Variants in TRAM2 observed in about 807,000 individuals in gnomAD.
TRAM2 encodes translocating chain-associated membrane protein 2.
A neutral mutation model predicts 51.0 loss-of-function variants in TRAM2; 12 were observed. The observed-to-expected ratio is 0.24, with a 90% CI of 0.15 to 0.38. The LOEUF is 0.38. Ranked by LOEUF, TRAM2 falls within the 10% of genes least tolerant of loss-of-function variation. The pLI, the probability that TRAM2 is intolerant of heterozygous loss-of-function variation, is 1.00. For synonymous variants in TRAM2, 175 were observed against 179.4 expected (o/e 0.98, Z 0.20); for missense variants, 361 against 462.0 (o/e 0.78, Z 2.00).
intron 9 of TRAM2, 75 bp from the exon 10 acceptor site, chr6:52,504,829 C>G: frequency 7.0e-7 from 1 of 1,435,728 alleles, no homozygotes; most frequent in African/African-American, 1.4e-5. Context: ...CAGGGGAGAA[C>G]AAGGGCCAGG....
intron 10 of TRAM2, among the ~76,000 whole-genome samples, chr6:52,504,237 G>A (rs867894223): frequency 9.2e-5 from 14 of 152,230 alleles, no homozygotes; most frequent in Admixed American, 4.6e-4. Context: ...AGAGGCCGCC[G>A]TCCGGCACTG....
At chr6:52,551,327 G>A (rs997684504) in intron 1 of TRAM2, among the ~76,000 whole-genome samples, 3 of 152,286 alleles carry the variant, frequency 2.0e-5, no homozygotes, top group East Asian at 1.9e-4. Context: ...GTTTCAGCCC[G>A]GAAGGCAAAG....
chr6:52,508,356 G>C (rs763884501), intron 5 of TRAM2, 38 bp from the exon 6 acceptor site: 1 of 1,597,362 alleles, frequency 6.3e-7, no homozygotes, highest in East Asian at 2.2e-5. Context: ...GCAGGATAGA[G>C]AAAAGTGTCC....
intron 1 of TRAM2, among the ~76,000 whole-genome samples, chr6:52,542,944 C>T (rs758176615): frequency 1.3e-5 from 2 of 152,180 alleles, no homozygotes; most frequent in East Asian, 1.9e-4. Context: ...GGAAATTAAT[C>T]GGGTACTGAA....
At chr6:52,549,578 A>C (rs1581696589) in intron 1 of TRAM2, among the ~76,000 whole-genome samples, 1 of 152,244 alleles carries the variant, frequency 6.6e-6, no homozygotes, top group Admixed American at 6.5e-5. Flanking sequence ...TGAAACAGTC[A>C]AGAAAGCCAT....
rs534907272 is a variant in TRAM2, at chr6:52,502,082, G to A, written c.*1115C>T. On this transcript the variant is annotated 3_prime_UTR_variant, in exon 11 of 11. Coordinates refer to ENST00000182527, the MANE Select transcript of TRAM2 (RefSeq NM_012288.4). The stretch of plus-strand genomic sequence containing the variant: ...GACAATTCCAAAGAACACTCAACAA[G>A]GGCGGCCAGATGAACAGCGGTCCAA... The A allele has an allele frequency of 4.6e-5, 7 of 152,416 alleles. No individual in the cohort carries two copies. In the East Asian group the frequency reaches 9.6e-4, roughly 21 times the overall value. 9.4% of individuals were successfully genotyped at this position (152,416 alleles called of 1,614,324 possible).
In TRAM2 at chr6:52,577,008, G is replaced by GCCCGCCGC. The variant is rs1767782757; in HGVS notation, c.-101_-94dup. On this transcript the variant is annotated 5_prime_UTR_variant, in exon 1 of 11. Transcript: ENST00000182527. ...CAGCACCGGCCCGGTCCGCCCGCCG[G>GCCCGCCGC]CCCGCCGCCCGCTCTCCCACAGCCG... is the stretch of plus-strand genomic sequence containing the variant. The GCCCGCCGC allele has an allele frequency of 7.7e-7, 1 of 1,297,224 alleles. No individual in the cohort carries two copies. Among genetic ancestry groups the GCCCGCCGC allele is most frequent in the African/African-American group, 1.6e-5 (1 of 63,444 alleles). The allele number at this position is 1,297,224 out of a possible 1,614,324, so 80.4% of individuals were successfully genotyped here. A position where few individuals can be genotyped will look rare whatever the true frequency, so the allele number is the denominator to read the frequency against.
intron 1 of TRAM2, among the ~76,000 whole-genome samples, chr6:52,544,317 T>C (rs528309610): frequency 5.0e-4 from 75 of 149,680 alleles, no homozygotes; most frequent in Non-Finnish European, 1.0e-3. Context: ...GTTTTTTAAA[T>C]GTTAGATGTG....
chr6:52,509,759 G>A (rs1324223458), intron 4 of TRAM2, among the ~76,000 whole-genome samples, 173 bp from the exon 5 acceptor site: 3 of 152,118 alleles, frequency 2.0e-5, no homozygotes, highest in Non-Finnish European at 4.4e-5. Flanking sequence ...GCGCTTGGCT[G>A]GTTTCTTTAC....
chr6:52,511,382 C>A lies in TRAM2; in HGVS notation c.412-1796G>T, dbSNP rs375656157. ...AAGTGCTGTGATTACAGGCGTGCAC[C>A]ATTGCGCCCAGCCAAGATAGTTTTT... On this transcript the variant is annotated intron_variant, in intron 4 of 10. Coordinates refer to ENST00000182527, the MANE Select transcript of TRAM2 (RefSeq NM_012288.4). 5.9e-5 allele frequency among the ~76,000 whole-genome samples: 9 copies of A among 152,298 alleles called. No homozygotes were observed. In the East Asian group the frequency reaches 1.2e-3, roughly 20 times the overall value.
At chr6:52,504,165 G>A (rs1004150888) in intron 10 of TRAM2, among the ~76,000 whole-genome samples, 1 of 152,248 alleles carries the variant, frequency 6.6e-6, no homozygotes, top group African/African-American at 2.4e-5. Context: ...AGACAGAGGA[G>A]GAGCCAGCAA....
intron 1 of TRAM2, among the ~76,000 whole-genome samples, chr6:52,566,657 T>C (rs1767595243): frequency 6.6e-6 from 1 of 152,154 alleles, no homozygotes. Flanking sequence ...CCCCACTGCA[T>C]CCCACCTCCA....
chr6:52,503,204 G>C lies in TRAM2; in HGVS notation c.1106C>G (p.Ser369Cys). The C allele has an allele frequency of 1.2e-6, 2 of 1,613,774 alleles. No individual in the cohort carries two copies. Among genetic ancestry groups the C allele is most frequent in the South Asian group, 1.1e-5 (1 of 91,062 alleles). Reference sequence around the variant, plus strand: ...GTTCTTAGCACTTTGGCCTTAGGGAGACTTGAGTTTCTTAGTCCGTGGGGA... The same window carrying C: ...GTTCTTAGCACTTTGGCCTTAGGGACACTTGAGTTTCTTAGTCCGTGGGGA... ...GTSPRTKKLKSP is the reference protein window; with the variant it reads ...GTSPRTKKLKCP The change falls in exon 11 of 11, where the codon TCT (serine) becomes TGT (cysteine). Residue 369 changes from serine (S) to cysteine (C), a missense_variant. Coordinates refer to ENST00000182527, the MANE Select transcript of TRAM2 (RefSeq NM_012288.4).
At chr6:52,504,174 A>G (rs1231445991) in intron 10 of TRAM2, among the ~76,000 whole-genome samples, 1 of 152,216 alleles carries the variant, frequency 6.6e-6, no homozygotes, top group Non-Finnish European at 1.5e-5. Flanking sequence ...AGGAGCCAGC[A>G]AGCTGGGAGG....
chr6:52,506,043 G>A lies in TRAM2; in HGVS notation c.720C>T (p.Asn240=), dbSNP rs969047402. Reference sequence around the variant, plus strand: ...GCAGACCCACTTACAGTTTCTCGTTGTTTTCATCTGCAAAGTAGAAGAGTC... The same window carrying A: ...GCAGACCCACTTACAGTTTCTCGTTATTTTCATCTGCAAAGTAGAAGAGTC... ...TARLFYFADE[N]NEKLFSAWAA... Residue 240 remains asparagine, a synonymous_variant, in exon 8 of 11, where the codon AAC becomes AAT. Transcript: ENST00000182527. 1 of 1,613,990 alleles carries A rather than the reference G, an allele frequency of 6.2e-7. No individual in the cohort carries two copies. Among genetic ancestry groups the A allele is most frequent in the Non-Finnish European group, 8.5e-7 (1 of 1,179,884 alleles).
At chr6:52,531,560 G>A (rs1766892610) in intron 2 of TRAM2, among the ~76,000 whole-genome samples, 1 of 152,182 alleles carries the variant, frequency 6.6e-6, no homozygotes, top group African/African-American at 2.4e-5. Context: ...GCCACCCTGG[G>A]AAAATGCCAA....
At chr6:52,557,447 A>T (rs910502795) in intron 1 of TRAM2, among the ~76,000 whole-genome samples, 1 of 152,246 alleles carries the variant, frequency 6.6e-6, no homozygotes. Context: ...AAGTAGGTAC[A>T]AGAATTTTCA....
rs1326667806 is a variant in TRAM2 at position 52,503,321 on chromosome 6, G to A, written c.1040-51C>T. The stretch of plus-strand genomic sequence containing the variant: ...ACATGGTGTTTCTGCTGGAGCTAAG[G>A]CAGAAGAGGGGAGGGTGGGGCCAGG... On this transcript the variant is annotated intron_variant, in intron 10 of 10. Transcript: ENST00000182527. The A allele has an allele frequency of 3.2e-6, 5 of 1,550,420 alleles. No homozygotes were observed. The South Asian group carries it at 5.6e-5, about 17-fold the overall frequency.
intron 1 of TRAM2, among the ~76,000 whole-genome samples, chr6:52,557,482 G>A (rs774407877): frequency 3.3e-5 from 5 of 152,080 alleles, no homozygotes; most frequent in African/African-American, 7.2e-5. Context: ...ACAAGGAAAC[G>A]GCCACAGTTA....
Sources: allele counts gnomAD v4.1 joint callset (sites outside exome capture counted in the v4.1 genomes callset), GRCh38; gene constraint gnomAD v4.1.1; transcripts MANE v1.5; gene names NCBI Gene and HGNC (gene_info 2026-07-23, HGNC 2026-07-21).